Variants in ATXN3 observed in about 807,000 individuals in gnomAD.
The protein encoded by ATXN3 is ataxin 3, also known as ataxin-3.
A neutral mutation model predicts 58.2 loss-of-function variants in ATXN3; 28 were observed. The observed-to-expected ratio is 0.48, with a 90% CI of 0.36 to 0.66. The LOEUF is 0.66. Among genes scored for constraint, ATXN3 ranks in the 30% least tolerant of loss-of-function variants. The pLI, the probability that ATXN3 is intolerant of heterozygous loss-of-function variation, is 0.00. For missense variants in ATXN3, 321 were observed against 422.1 expected (o/e 0.76, Z 2.10); for synonymous variants, 113 against 138.5 (o/e 0.82, Z 1.29).
At chr14:92,046,488 C>T (rs1056434478) in intron 2 of ATXN3, among the ~76,000 whole-genome samples, 3 of 152,196 alleles carry the variant, frequency 2.0e-5, no homozygotes, top group Non-Finnish European at 4.4e-5. Flanking sequence ...AGAAAGGCTA[C>T]AGGGCATGGT....
chr14:92,074,621 A>G (rs1332107710), intron 9 of ATXN3, among the ~76,000 whole-genome samples: 1 of 152,204 alleles, frequency 6.6e-6, no homozygotes, highest in African/African-American at 2.4e-5. Context: ...GGTACTGTGG[A>G]GGCCTGGCTA....
intron 6 of ATXN3, among the ~76,000 whole-genome samples, chr14:92,088,213 C>T (rs1411719173): frequency 6.6e-6 from 1 of 152,016 alleles, no homozygotes; most frequent in Non-Finnish European, 1.5e-5. Context: ...GGACTACAGG[C>T]GTCCGCCACC....
At chr14:92,070,713 T>C in intron 10 of ATXN3, 1 of 1,241,822 alleles carries the variant, frequency 8.1e-7, no homozygotes, top group Non-Finnish European at 1.1e-6. Flanking sequence ...CCCAAAGTGC[T>C]GGGATTACAG....
chr14:92,073,306 A>G (rs1360916191), intron 9 of ATXN3, among the ~76,000 whole-genome samples: 1 of 152,264 alleles, frequency 6.6e-6, no homozygotes, highest in Admixed American at 6.5e-5. Flanking sequence ...ATCCACTCCC[A>G]CTGTGCCATC....
intron 10 of ATXN3, among the ~76,000 whole-genome samples, chr14:92,065,876 GCC>G (rs2058303228): frequency 7.1e-6 from 1 of 140,488 alleles, no homozygotes; most frequent in African/African-American, 2.7e-5. Flanking sequence ...GCAAGACTCT[GCC>G]TAAAAAAGAA....
downstream of ATXN3, among the ~76,000 whole-genome samples, chr14:92,054,588 A>C (rs1595426935): frequency 6.6e-6 from 1 of 152,278 alleles, no homozygotes; most frequent in East Asian, 1.9e-4. Context: ...TAACCATAAA[A>C]ATGGGCAACC....
chr14:92,079,054 T>C (rs778630145), intron 9 of ATXN3, among the ~76,000 whole-genome samples: 2 of 151,956 alleles, frequency 1.3e-5, no homozygotes, highest in Non-Finnish European at 2.9e-5. Flanking sequence ...GGCATGGTGG[T>C]GTGTACCTGT....
In ATXN3 at chr14:92,059,779, T is replaced by C. The variant is rs943165049; in HGVS notation, c.*4541A>G. 28 of 147,174 alleles carry C rather than the reference T, an allele frequency of 1.9e-4. No individual in the cohort carries two copies. The highest frequency in any genetic ancestry group is 6.5e-4 in the African/African-American group (26 of 39,896). The allele number at this position is 147,174 out of a possible 1,614,324, so 9.1% of individuals were successfully genotyped here. On this transcript the variant is annotated 3_prime_UTR_variant, in exon 11 of 11. Coordinates refer to ENST00000644486, the MANE Select transcript of ATXN3 (RefSeq NM_004993.6). Reference sequence around the variant, plus strand: ...GTTGCAGTGAGCCAACATCGTGTCATTGTACTCCAGCCTGGGCAGCAGAGC... The same window carrying C: ...GTTGCAGTGAGCCAACATCGTGTCACTGTACTCCAGCCTGGGCAGCAGAGC...
intron 1 of ATXN3, among the ~76,000 whole-genome samples, chr14:92,104,948 T>A (rs1163509672): frequency 1.4e-5 from 2 of 148,090 alleles, no homozygotes; most frequent in African/African-American, 5.0e-5. Context: ...AAAGTACGTG[T>A]GTATTTTTCA....
Position 92,088,102 on chromosome 14 carries a change from T to G in ATXN3, c.475+628A>C, listed in dbSNP as rs181529854. 2.4e-3 allele frequency among the ~76,000 whole-genome samples: 361 copies of G among 151,848 alleles called. 1 individual carries two copies. The highest frequency in any genetic ancestry group is 8.4e-3 in the African/African-American group (349 of 41,396). ...TTTTTTTTTTGAGACGGAGTCTCGC[T>G]CTGTCGCCCAGGCTGGAGGGCAGTG... On this transcript the variant is annotated intron_variant, in intron 6 of 10. Coordinates refer to ENST00000644486, the MANE Select transcript of ATXN3 (RefSeq NM_004993.6).
intron 10 of ATXN3, among the ~76,000 whole-genome samples, chr14:92,064,917 C>T (rs946353426): frequency 6.6e-6 from 1 of 152,194 alleles, no homozygotes; most frequent in Non-Finnish European, 1.5e-5. Flanking sequence ...TGCCCAATTT[C>T]ACCCAATAGT....
At chr14:92,095,627 T>C (rs926961897) in intron 3 of ATXN3, among the ~76,000 whole-genome samples, 2 of 152,008 alleles carry the variant, frequency 1.3e-5, no homozygotes, top group South Asian at 4.2e-4. Context: ...AATATGAAGA[T>C]TCTACAATCC....
At chr14:92,094,925 T>C (rs557783116) in intron 3 of ATXN3, among the ~76,000 whole-genome samples, 9 of 152,172 alleles carry the variant, frequency 5.9e-5, no homozygotes, top group African/African-American at 1.7e-4. Context: ...AGGAGGGCAG[T>C]ACAAGGGAAA....
At chr14:92,103,490 C>T (rs956350720) in intron 1 of ATXN3, among the ~76,000 whole-genome samples, 1 of 152,074 alleles carries the variant, frequency 6.6e-6, no homozygotes, top group African/African-American at 2.4e-5. Context: ...GGCTGGAGTG[C>T]AGTGGTGCGA....
At chr14:92,096,003 G>A (rs1288990044) in intron 3 of ATXN3, 90 bp downstream of exon 3, 22 of 1,074,056 alleles carry the variant, frequency 2.0e-5, no homozygotes, top group East Asian at 1.6e-4. Context: ...AAGAACTTCC[G>A]AAGGTCGCCT....
intron 9 of ATXN3, among the ~76,000 whole-genome samples, chr14:92,072,969 T>C (rs2059703887): frequency 6.6e-6 from 1 of 152,208 alleles, no homozygotes; most frequent in Non-Finnish European, 1.5e-5. Context: ...TGTAAGACCT[T>C]AGTGTGCATG....
chr14:92,106,335 C>T (rs1053022758), intron 1 of ATXN3, among the ~76,000 whole-genome samples, 194 bp downstream of exon 1: 67 of 151,938 alleles, frequency 4.4e-4, no homozygotes, highest in African/African-American at 1.6e-3. Context: ...GCGGGGGCCG[C>T]GGGGGAAGTA....
At chr14:92,086,008 AAAG>A (rs151263555) in intron 6 of ATXN3, among the ~76,000 whole-genome samples, 1,998 of 152,280 alleles carry the variant, frequency 0.013, 29 homozygotes, top group African/African-American at 0.045. Flanking sequence ...ATCTAAAATC[AAAG>A]AATTAAAAAC....
intron 1 of ATXN3, among the ~76,000 whole-genome samples, chr14:92,100,170 G>T (rs1038060411): frequency 2.4e-4 from 36 of 152,110 alleles, no homozygotes; most frequent in Non-Finnish European, 2.9e-5. Flanking sequence ...CTGATGAGAG[G>T]ATAAATTGGT....
Sources: allele counts gnomAD v4.1 joint callset (sites outside exome capture counted in the v4.1 genomes callset), GRCh38; gene constraint gnomAD v4.1.1; transcripts MANE v1.5; gene names NCBI Gene and HGNC (gene_info 2026-07-23, HGNC 2026-07-21).